The following NAA11 variants were observed in gnomAD, a reference collection of about 807,000 sequenced individuals.
NAA11 encodes N-alpha-acetyltransferase 11.
In NAA11, 15 loss-of-function variants were observed where a neutral mutation model predicts 16.1. That is an observed-to-expected ratio of 0.93 (90% confidence interval 0.62 to 1.44). NAA11 has a LOEUF of 1.44. NAA11 is among the 40% of genes most tolerant of loss of function. The pLI, the probability that NAA11 is intolerant of heterozygous loss-of-function variation, is 0.00. For missense variants in NAA11, 298 were observed against 291.3 expected, an observed-to-expected ratio of 1.02 and a Z score of -0.17; for synonymous variants, 122 against 112.4, an observed-to-expected ratio of 1.09 and a Z score of -0.54.
intron 2 of NAA11, among the ~76,000 whole-genome samples, chr4:79,281,519 A>G (rs1211400112): frequency 1.3e-5 from 2 of 152,100 alleles, no homozygotes; most frequent in Non-Finnish European, 2.9e-5. Context: ...GTGATACCAC[A>G]GTGCACAAAG....
At chr4:79,293,725 T>C (rs1449368643) in intron 2 of NAA11, among the ~76,000 whole-genome samples, 3 of 152,192 alleles carry the variant, frequency 2.0e-5, no homozygotes, top group Non-Finnish European at 2.9e-5. Context: ...AGAAATCGAA[T>C]GACCAACTGG....
intron 2 of NAA11, among the ~76,000 whole-genome samples, chr4:79,244,111 TTTAA>T (rs1721753180): frequency 6.6e-6 from 1 of 152,236 alleles, no homozygotes; most frequent in African/African-American, 2.4e-5. Context: ...GGGGTCAGCC[TTTAA>T]TTAACACTTC....
intron 1 of NAA11, among the ~76,000 whole-genome samples, chr4:79,318,032 C>T (rs532314102): frequency 6.6e-6 from 1 of 152,276 alleles, no homozygotes; most frequent in African/African-American, 2.4e-5. Context: ...CCTTTCCTGA[C>T]ATCTAAAGGA....
chr4:79,191,525 GTTGT>G, the NAA11 span, among the ~76,000 whole-genome samples: 97 of 152,184 alleles, frequency 6.4e-4, no homozygotes, highest in East Asian at 0.016. Context: ...TTGTAATGGA[GTTGT>G]TTGTTTTTCT....
intron 2 of NAA11, among the ~76,000 whole-genome samples, chr4:79,233,555 G>C (rs1721510284): frequency 6.6e-6 from 1 of 151,898 alleles, no homozygotes; most frequent in Non-Finnish European, 1.5e-5. Context: ...GGTTTTGGTT[G>C]CAACTATTCA....
the NAA11 span, among the ~76,000 whole-genome samples, chr4:79,160,000 TTTTTTTTTAAGACAGAG>T: frequency 6.6e-6 from 1 of 151,786 alleles, no homozygotes; most frequent in Non-Finnish European, 1.5e-5. Context: ...TTCTTTTTTT[TTTTTTTTTAAGACAGAG>T]TTTTGCTCTT....
the NAA11 span, among the ~76,000 whole-genome samples, chr4:79,198,078 A>G: frequency 6.6e-6 from 1 of 151,956 alleles, no homozygotes; most frequent in Non-Finnish European, 1.5e-5. Context: ...GAATGTGAAA[A>G]GTAATATTTC....
chr4:79,206,775 A>G, the NAA11 span, among the ~76,000 whole-genome samples: 1 of 152,162 alleles, frequency 6.6e-6, no homozygotes. Context: ...CAAGTTATAA[A>G]TGACCCTCTT....
intron 2 of NAA11, among the ~76,000 whole-genome samples, chr4:79,285,294 C>G (rs571834404): frequency 2.0e-5 from 3 of 152,230 alleles, no homozygotes; most frequent in African/African-American, 7.2e-5. Context: ...CTATTCATCA[C>G]AGCACTTTAA....
intron 1 of NAA11, among the ~76,000 whole-genome samples, chr4:79,303,822 C>G (rs1394293773): frequency 6.6e-6 from 1 of 152,134 alleles, no homozygotes; most frequent in African/African-American, 2.4e-5. Flanking sequence ...AAACACAGAC[C>G]TTTTCACTTA....
chr4:79,195,348 G>A, the NAA11 span, among the ~76,000 whole-genome samples: 1 of 152,016 alleles, frequency 6.6e-6, no homozygotes, highest in East Asian at 1.9e-4. Flanking sequence ...CTACGTGGGT[G>A]AACTTACTCA....
the NAA11 span, among the ~76,000 whole-genome samples, chr4:79,215,921 T>G: frequency 3.3e-5 from 5 of 152,182 alleles, no homozygotes; most frequent in Non-Finnish European, 7.4e-5. Context: ...TAGAATGTAT[T>G]TTTAGAAGAA....
At chr4:79,246,377 T>TAAAAAAAAAA (rs869224539) in intron 2 of NAA11, among the ~76,000 whole-genome samples, 280 of 21,832 alleles carry the variant, frequency 0.013, no homozygotes, top group Middle Eastern at 0.031. Context: ...CAATAAATAC[T>TAAAAAAAAAA]AAAAAAAAAA....
chr4:79,304,446 C>A (rs1382184899), intron 1 of NAA11, among the ~76,000 whole-genome samples: 1 of 151,986 alleles, frequency 6.6e-6, no homozygotes, highest in African/African-American at 2.4e-5. Flanking sequence ...AAATAATTAT[C>A]CCATTTATTT....
intron 2 of NAA11, among the ~76,000 whole-genome samples, chr4:79,242,990 C>T (rs562786974): frequency 6.6e-6 from 1 of 152,312 alleles, no homozygotes; most frequent in Non-Finnish European, 1.5e-5. Context: ...TGGACATAGT[C>T]AAGAATGGGA....
the NAA11 span, among the ~76,000 whole-genome samples, chr4:79,203,173 C>CA: frequency 2.0e-5 from 3 of 150,930 alleles, no homozygotes; most frequent in South Asian, 2.1e-4. Flanking sequence ...ATCCAAGTCT[C>CA]AAAAAAAAGG....
chr4:79,204,381 G>GA, the NAA11 span, among the ~76,000 whole-genome samples: 1 of 151,678 alleles, frequency 6.6e-6, no homozygotes. Flanking sequence ...AATGGTTAGC[G>GA]AAAAATCAGG....
chr4:79,210,998 AT>A, the NAA11 span, among the ~76,000 whole-genome samples: 1 of 152,186 alleles, frequency 6.6e-6, no homozygotes, highest in African/African-American at 2.4e-5. Flanking sequence ...TTTGTCTATT[AT>A]GGAATCCTGT....
the NAA11 span, chr4:79,211,783 G>A: frequency 6.6e-6 from 1 of 152,200 alleles, no homozygotes. Context: ...GGCTCACTTT[G>A]CAGGAAAACA....
Sources: allele counts gnomAD v4.1 joint callset (sites outside exome capture counted in the v4.1 genomes callset), GRCh38; gene constraint gnomAD v4.1.1; transcripts MANE v1.5; gene names NCBI Gene and HGNC (gene_info 2026-07-23, HGNC 2026-07-21).